MEGF11: variants seen among roughly 807,000 people sequenced by gnomAD.
MEGF11 encodes the protein multiple epidermal growth factor-like domains protein 11.
In MEGF11, 126 loss-of-function variants were observed where a neutral mutation model predicts 146.6. That is an observed-to-expected ratio of 0.86 (90% CI 0.74 to 1.00). The LOEUF is 1.00. MEGF11 is among the 50% of genes least tolerant of loss of function. The pLI, the probability that MEGF11 is intolerant of heterozygous loss-of-function variation, is 0.00. For missense variants in MEGF11, 1,509 were observed against 1,521.2 expected, an observed-to-expected ratio of 0.99 and a Z score of 0.13; for synonymous variants, 532 against 583.4, an observed-to-expected ratio of 0.91 and a Z score of 1.27.
chr15:65,936,370 G>C (rs957919114), intron 10 of MEGF11, among the ~76,000 whole-genome samples: 4 of 152,184 alleles, frequency 2.6e-5, no homozygotes, highest in East Asian at 3.8e-4. Flanking sequence ...CTCAGAGCTT[G>C]GGCCCCTGCT....
chr15:66,112,525 A>G (rs1476648927), intron 4 of MEGF11, among the ~76,000 whole-genome samples: 2 of 152,250 alleles, frequency 1.3e-5, no homozygotes, highest in Non-Finnish European at 2.9e-5. Context: ...TGGAGCTCCA[A>G]CAGGAGAAAT....
At position 65,924,373 on chromosome 15, in the gene MEGF11, TGG is replaced by T. The variant is rs72309249; in HGVS notation, c.1676-1406_1676-1405del. ...TGCGGGTGGGTAGGTGGGGTGTGGG[TGG>T]GGGGGGGGGCAAGTGGTTTCCTCCC... On this transcript the variant is annotated intron_variant, in intron 13 of 25. Transcript: ENST00000395614. Among the ~76,000 whole-genome samples, 10 of 41,122 alleles carry T rather than the reference TGG, an allele frequency of 2.4e-4. No individual in the cohort carries two copies. The South Asian group carries it at 3.3e-3, about 14-fold the overall frequency. 27.0% of individuals were successfully genotyped at this position (41,122 alleles called of 152,430 possible).
chr15:66,010,921 G>C (rs368115471), intron 5 of MEGF11, among the ~76,000 whole-genome samples: 9 of 141,172 alleles, frequency 6.4e-5, no homozygotes, highest in African/African-American at 2.3e-4. Flanking sequence ...GAAGCCATTG[G>C]GTGTGGCAGT....
At chr15:65,980,958 A>T in intron 6 of MEGF11, 60 bp from the exon 7 acceptor site, 1 of 1,483,592 alleles carries the variant, frequency 6.7e-7, no homozygotes, top group South Asian at 1.4e-5. Context: ...GCAGGGCCCC[A>T]GTGCTCCAGG....
intron 7 of MEGF11, among the ~76,000 whole-genome samples, chr15:65,972,092 TTTA>T (rs2081315633): frequency 6.6e-6 from 1 of 151,892 alleles, no homozygotes; most frequent in Non-Finnish European, 1.5e-5. Flanking sequence ...GTTGAGGAAA[TTTA>T]TAAAGTATAC....
chr15:66,201,399 G>A (rs2091153772), intron 1 of MEGF11, among the ~76,000 whole-genome samples: 2 of 152,140 alleles, frequency 1.3e-5, no homozygotes, highest in African/African-American at 4.8e-5. Context: ...GATTGTTGGG[G>A]TAGGGAGGGA....
intron 5 of MEGF11, among the ~76,000 whole-genome samples, chr15:66,047,824 A>C (rs1040294385): frequency 7.9e-5 from 12 of 152,134 alleles, no homozygotes; most frequent in Non-Finnish European, 8.8e-5. Context: ...GGGCTGAGAG[A>C]TGGCTTCTTG....
At chr15:66,140,168 C>T (rs916614412) in intron 1 of MEGF11, among the ~76,000 whole-genome samples, 1 of 152,194 alleles carries the variant, frequency 6.6e-6, no homozygotes, top group African/African-American at 2.4e-5. Flanking sequence ...TGAACAAGGA[C>T]AGGCCTTTAG....
chr15:65,988,508 T>G (rs1296823907), intron 5 of MEGF11, among the ~76,000 whole-genome samples: 2 of 152,236 alleles, frequency 1.3e-5, no homozygotes, highest in African/African-American at 4.8e-5. Flanking sequence ...TGTTTATCCA[T>G]TCGTCTGTTG....
intron 5 of MEGF11, among the ~76,000 whole-genome samples, chr15:66,014,921 CT>C (rs540277350): frequency 5.0e-4 from 76 of 152,200 alleles, no homozygotes; most frequent in African/African-American, 1.8e-3. Context: ...CAGCTGTAAC[CT>C]AGTCAGGGAT....
rs970355469 is a variant in MEGF11, at chr15:66,128,483, G to A, written c.-8-72C>T. On this transcript the variant is annotated intron_variant, in intron 1 of 25. Transcript: ENST00000395614. Reference sequence around the variant, plus strand: ...CCTGGCAACTACTTAGTTTCCCATCGTCGTGGGTAATGAGCATTTGATATT... The same window carrying A: ...CCTGGCAACTACTTAGTTTCCCATCATCGTGGGTAATGAGCATTTGATATT... 9 of 846,428 alleles carry A rather than the reference G, an allele frequency of 1.1e-5. No homozygotes were observed. The African/African-American group carries it at 1.2e-4, about 12-fold the overall frequency. The allele number at this position is 846,428 out of a possible 1,614,324, so 52.4% of individuals were successfully genotyped here. A position where few individuals can be genotyped will look rare whatever the true frequency, so the allele number is the denominator to read the frequency against.
chr15:66,076,900 T>A (rs1213383673), intron 5 of MEGF11, among the ~76,000 whole-genome samples: 1 of 152,206 alleles, frequency 6.6e-6, no homozygotes, highest in African/African-American at 2.4e-5. Context: ...ATTGCCCAGC[T>A]ACCCAGAGGG....
intron 1 of MEGF11, among the ~76,000 whole-genome samples, chr15:66,201,369 A>G (rs1352737851): frequency 6.6e-6 from 1 of 151,902 alleles, no homozygotes; most frequent in Admixed American, 6.6e-5. Context: ...GGAAGCCCCC[A>G]CCCACAGTTG....
Position 65,912,180 on chromosome 15 carries a change from GGCT to G in MEGF11, c.2728_2730del (p.Ser910del). The G allele has an allele frequency of 8.1e-7, 1 of 1,232,502 alleles. No homozygotes were observed. Among genetic ancestry groups the G allele is most frequent in the Non-Finnish European group, 1.0e-6 (1 of 988,274 alleles). 76.3% of individuals were successfully genotyped at this position (1,232,502 alleles called of 1,614,324 possible). On this transcript the variant is annotated inframe_deletion, in exon 21 of 26. Transcript: ENST00000395614. ...CTGGAATTGGAAAAGCAGTGGGCAT[GGCT>G]GCTACTTTGAGACAAATCTGGGAAG... is the stretch of plus-strand genomic sequence containing the variant.
At position 65,966,130 on chromosome 15, in the gene MEGF11, G is replaced by A. The variant is rs1195126765; in HGVS notation, c.900-1010C>T. Among the ~76,000 whole-genome samples, 3 of 152,186 alleles carry A rather than the reference G, an allele frequency of 2.0e-5. No individual in the cohort carries two copies. In the East Asian group the frequency reaches 5.8e-4, roughly 29 times the overall value. The stretch of plus-strand genomic sequence containing the variant: ...CCTGCCTCAGCCTCCCGAGTAGCTG[G>A]GACTACAGGGGTGCACTGCCACGCC... On this transcript the variant is annotated intron_variant, in intron 8 of 25. Transcript: ENST00000395614.
intron 3 of MEGF11, among the ~76,000 whole-genome samples, chr15:66,119,825 CAG>C (rs2087931748): frequency 6.6e-6 from 1 of 152,282 alleles, no homozygotes; most frequent in East Asian, 1.9e-4. Context: ...CATGGAGCTG[CAG>C]CACTGGGAGT....
intron 11 of MEGF11, 101 bp from the exon 12 acceptor site, chr15:65,929,984 T>C (rs777615420): frequency 2.1e-5 from 24 of 1,169,328 alleles, no homozygotes; most frequent in Non-Finnish European, 2.7e-5. Flanking sequence ...CCCAAACCAC[T>C]GCTTTCCTGA....
At chr15:66,214,400 G>T (rs935195917) in intron 1 of MEGF11, among the ~76,000 whole-genome samples, 1 of 152,120 alleles carries the variant, frequency 6.6e-6, no homozygotes, top group East Asian at 1.9e-4. Context: ...CTCCCAGCCT[G>T]ACCCCTCCCA....
intron 24 of MEGF11, among the ~76,000 whole-genome samples, chr15:65,901,572 C>T (rs1037708480): frequency 1.3e-5 from 2 of 151,812 alleles, no homozygotes; most frequent in African/African-American, 4.8e-5. Flanking sequence ...GTCTTGTTAT[C>T]CAGTGCTCCT....
Sources: gnomAD v4.1 joint callset for allele counts (sites outside exome capture counted in the v4.1 genomes callset) on GRCh38, gnomAD v4.1.1 for gene constraint, MANE v1.5 for transcripts, NCBI Gene and HGNC (gene_info 2026-07-23, HGNC 2026-07-21) for gene names.